The following RUFY2 variants were observed in gnomAD, a reference collection of about 807,000 sequenced individuals.
The protein encoded by RUFY2 is RUN and FYVE domain-containing protein 2.
Under a neutral mutation model 94.4 loss-of-function variants are expected in RUFY2, and 49 were observed. The ratio of observed to expected loss-of-function variants is 0.52; its 90% confidence interval spans 0.41 to 0.66. The LOEUF (loss-of-function observed/expected upper bound fraction) is 0.66. Ranked by LOEUF, RUFY2 falls within the 30% of genes least tolerant of loss-of-function variation. RUFY2 has a pLI of 0.00. For synonymous variants in RUFY2, 255 were observed against 235.7 expected (o/e 1.08, Z -0.75); for missense variants, 541 against 692.8 (o/e 0.78, Z 2.46).
At chr10:68,350,017 A>C (rs1488452195) in intron 16 of RUFY2, among the ~76,000 whole-genome samples, 1 of 151,622 alleles carries the variant, frequency 6.6e-6, no homozygotes, top group Non-Finnish European at 1.5e-5. Flanking sequence ...TTTTCATATT[A>C]TTTTATTATT....
At chr10:68,403,383 C>G (rs938868307) in intron 2 of RUFY2, among the ~76,000 whole-genome samples, 1 of 151,980 alleles carries the variant, frequency 6.6e-6, no homozygotes, top group Non-Finnish European at 1.5e-5. Flanking sequence ...TCCTGAGTAG[C>G]TGGGATTACA....
chr10:68,363,545 T>C, intron 15 of RUFY2, 45 bp downstream of exon 15: 1 of 1,268,738 alleles, frequency 7.9e-7, no homozygotes, highest in Non-Finnish European at 1.1e-6. Context: ...ATACCTTTTA[T>C]AAAAGTCAAT....
chr10:68,406,676 C>T, intron 1 of RUFY2: 2 of 1,327,532 alleles, frequency 1.5e-6, no homozygotes, highest in Non-Finnish European at 2.0e-6. Context: ...CCCTTCCCTG[C>T]CTCTCTTCCT....
At chr10:68,381,028 C>CA (rs147713444) in intron 11 of RUFY2, among the ~76,000 whole-genome samples, 275 of 152,218 alleles carry the variant, frequency 1.8e-3, no homozygotes, top group African/African-American at 6.2e-3. Context: ...AATCTTTCAA[C>CA]ATTAAAAATT....
chr10:68,348,153 C>A (rs2046410592), intron 16 of RUFY2, among the ~76,000 whole-genome samples: 1 of 151,134 alleles, frequency 6.6e-6, no homozygotes, highest in Non-Finnish European at 1.5e-5. Flanking sequence ...CAGACAAACA[C>A]CAGCAAAGAG....
intron 3 of RUFY2, among the ~76,000 whole-genome samples, chr10:68,397,556 C>A (rs2050478896): frequency 6.7e-6 from 1 of 149,898 alleles, no homozygotes; most frequent in South Asian, 2.1e-4. Flanking sequence ...ATAGGGAGAC[C>A]CTGTCTCTAT....
At chr10:68,363,816 T>C (rs1482626829) in intron 14 of RUFY2, 132 bp from the exon 15 acceptor site, 6 of 831,324 alleles carry the variant, frequency 7.2e-6, no homozygotes, top group East Asian at 2.7e-5. Flanking sequence ...TCCAAAGCTC[T>C]TTCCTAGCTG....
chr10:68,363,742 G>C (rs2047619150), intron 14 of RUFY2, 58 bp from the exon 15 acceptor site: 1 of 1,110,968 alleles, frequency 9.0e-7, no homozygotes, highest in South Asian at 1.5e-5. Flanking sequence ...AGAAACTCCA[G>C]ATTGTACATA....
At chr10:68,354,992 A>G (rs1213175770) in intron 16 of RUFY2, among the ~76,000 whole-genome samples, 1 of 151,932 alleles carries the variant, frequency 6.6e-6, no homozygotes, top group African/African-American at 2.4e-5. Context: ...GATTACAGGC[A>G]CCCACTACCA....
chr10:68,367,278 G>A (rs73274754), intron 13 of RUFY2, among the ~76,000 whole-genome samples: 97 of 152,272 alleles, frequency 6.4e-4, no homozygotes, highest in African/African-American at 2.2e-3. Flanking sequence ...TTTCAAGACT[G>A]TATTCTACTG....
chr10:68,378,267 TA>T, intron 12 of RUFY2: 1 of 1,087,770 alleles, frequency 9.2e-7, no homozygotes. Context: ...ACAATCTTTA[TA>T]TTTTTCATCA....
At chr10:68,380,970 G>T (rs2049019410) in intron 11 of RUFY2, among the ~76,000 whole-genome samples, 1 of 152,102 alleles carries the variant, frequency 6.6e-6, no homozygotes, top group Non-Finnish European at 1.5e-5. Flanking sequence ...AAAACGTTTT[G>T]CAGTTTAAAT....
chr10:68,352,165 T>C (rs963529949), intron 16 of RUFY2, among the ~76,000 whole-genome samples: 1 of 152,118 alleles, frequency 6.6e-6, no homozygotes, highest in Non-Finnish European at 1.5e-5. Flanking sequence ...CTTGCTATAC[T>C]ACCCAGGCTG....
rs1302567063 is a variant in RUFY2 at position 68,381,277 on chromosome 10, T to C, written c.1062A>G (p.Leu354=). 6.2e-7 allele frequency: 1 copy of C among 1,613,838 alleles called. No individual in the cohort carries two copies. The highest frequency in any genetic ancestry group is 8.5e-7 in the Non-Finnish European group (1 of 1,179,902). The change falls in exon 11 of 18, where the codon CTA becomes CTG. Residue 354 remains leucine, a synonymous_variant. Transcript: ENST00000602465. The part of the protein sequence containing the change: ...QDTLIGLRQQ[L]EEVKAINIEM... ...CTATGTTAATTGCTTTAACTTCCTC[T>C]AGTTGTTGTCGAAGGCCTATCAGAG...
At chr10:68,360,689 A>G (rs1468896452) in intron 15 of RUFY2, among the ~76,000 whole-genome samples, 1 of 152,228 alleles carries the variant, frequency 6.6e-6, no homozygotes, top group East Asian at 1.9e-4. Context: ...CAGAGCTTGC[A>G]GTGAGCTGAG....
At position 68,345,614 on chromosome 10, in the gene RUFY2, A is replaced by G; in HGVS notation, c.*154T>C. The G allele has an allele frequency of 1.7e-6, 1 of 596,142 alleles. No homozygotes were observed. Among genetic ancestry groups the G allele is most frequent in the Non-Finnish European group, 2.9e-6 (1 of 348,586 alleles). 36.9% of individuals were successfully genotyped at this position (596,142 alleles called of 1,614,324 possible). A position where few individuals can be genotyped will look rare whatever the true frequency, so the allele number is the denominator to read the frequency against. ...AAAACAATGGGGAAGGAAATATATA[A>G]CTTGTAATTTCCATGAGCTGAATAT... is the stretch of plus-strand genomic sequence containing the variant. On this transcript the variant is annotated 3_prime_UTR_variant, in exon 18 of 18. Coordinates refer to ENST00000602465, the MANE Select transcript of RUFY2 (RefSeq NM_001330103.2).
intron 13 of RUFY2, among the ~76,000 whole-genome samples, chr10:68,374,851 T>C (rs2048519620): frequency 6.6e-6 from 1 of 152,080 alleles, no homozygotes; most frequent in Admixed American, 6.6e-5. Flanking sequence ...GTTTATAAAA[T>C]AAAACTAAAA....
chr10:68,372,373 C>G (rs2048339346), intron 13 of RUFY2, among the ~76,000 whole-genome samples: 1 of 152,042 alleles, frequency 6.6e-6, no homozygotes. Context: ...ACACCCCAGC[C>G]TGGGCGACAG....
At chr10:68,397,124 G>C (rs2050449100) in intron 3 of RUFY2, among the ~76,000 whole-genome samples, 1 of 152,164 alleles carries the variant, frequency 6.6e-6, no homozygotes, top group African/African-American at 2.4e-5. Flanking sequence ...ACACAGTAGT[G>C]TGTCACTTAA....
Sources: allele counts gnomAD v4.1 joint callset (sites outside exome capture counted in the v4.1 genomes callset), GRCh38; gene constraint gnomAD v4.1.1; transcripts MANE v1.5; gene names NCBI Gene and HGNC (gene_info 2026-07-23, HGNC 2026-07-21).